AGFG2: variants seen among roughly 807,000 people sequenced by gnomAD.
The protein encoded by AGFG2 is ArfGAP with FG repeats 2, also known as arf-GAP domain and FG repeat-containing protein 2.
A neutral mutation model predicts 48.0 loss-of-function variants in AGFG2; 31 were observed. That is an observed-to-expected ratio of 0.65 (90% confidence interval 0.49 to 0.87). The LOEUF is 0.87. Among genes scored for constraint, AGFG2 ranks in the 40% least tolerant of loss-of-function variants. AGFG2 has a pLI of 0.00. For synonymous variants in AGFG2, 229 were observed against 260.8 expected (o/e 0.88, Z 1.18); for missense variants, 599 against 632.6 (o/e 0.95, Z 0.57).
At chr7:100,554,753 G>A (rs1800723135) in intron 5 of AGFG2, among the ~76,000 whole-genome samples, 1 of 151,758 alleles carries the variant, frequency 6.6e-6, no homozygotes. Context: ...TGGCCAACAT[G>A]GTGAAACCTC....
chr7:100,559,303 G>A (rs947958885), intron 6 of AGFG2, among the ~76,000 whole-genome samples: 3 of 152,142 alleles, frequency 2.0e-5, no homozygotes, highest in Non-Finnish European at 4.4e-5. Flanking sequence ...TGGCAGAACC[G>A]CTTCCCACTA....
At chr7:100,547,437 G>A (rs1228999892) in intron 1 of AGFG2, among the ~76,000 whole-genome samples, 3 of 151,386 alleles carry the variant, frequency 2.0e-5, no homozygotes, top group Non-Finnish European at 4.4e-5. Context: ...GTAAAAGTCT[G>A]AAGAGGCCTC....
chr7:100,559,783 ACTCCAGC>A (rs907960118), intron 6 of AGFG2, among the ~76,000 whole-genome samples: 4 of 150,640 alleles, frequency 2.7e-5, no homozygotes, highest in African/African-American at 9.8e-5. Flanking sequence ...ATGCCACTGC[ACTCCAGC>A]CTGGGCAATT....
chr7:100,554,716 C>T (rs761631501), intron 5 of AGFG2, among the ~76,000 whole-genome samples: 9 of 151,898 alleles, frequency 5.9e-5, no homozygotes, highest in Non-Finnish European at 1.2e-4. Context: ...GGGCAGATCA[C>T]CTGAGGTCAG....
intron 1 of AGFG2, among the ~76,000 whole-genome samples, chr7:100,542,618 T>C (rs576703650): frequency 1.1e-4 from 17 of 152,320 alleles, no homozygotes; most frequent in African/African-American, 3.6e-4. Context: ...GTATTACCTG[T>C]GTCCCTTTGA....
intron 1 of AGFG2, among the ~76,000 whole-genome samples, chr7:100,546,172 C>T (rs553908192): frequency 1.3e-5 from 2 of 149,118 alleles, no homozygotes; most frequent in African/African-American, 2.5e-5. Flanking sequence ...CCCCCCCGCC[C>T]GCCACCCCCA....
chr7:100,543,290 C>G (rs946989171), intron 1 of AGFG2, among the ~76,000 whole-genome samples: 1 of 152,174 alleles, frequency 6.6e-6, no homozygotes, highest in East Asian at 1.9e-4. Flanking sequence ...GTCTCAAACT[C>G]CTGACCTCAG....
rs185090572 is a variant in AGFG2, at chr7:100,556,004, G to A, written c.877+269G>A. 1.6e-4 allele frequency: 55 copies of A among 345,118 alleles called. 1 individual carries two copies. The East Asian group carries it at 2.9e-3, about 18-fold the overall frequency. 21.4% of individuals were successfully genotyped at this position (345,118 alleles called of 1,614,324 possible). A position where few individuals can be genotyped will look rare whatever the true frequency, so the allele number is the denominator to read the frequency against. On this transcript the variant is annotated intron_variant, in intron 6 of 11. Transcript: ENST00000300176. The stretch of plus-strand genomic sequence containing the variant: ...ACACTAGGAAACTTTTCACTAGGAA[G>A]TATGGAAGACCTGAGTCCTAGAAAA...
chr7:100,550,085 G>C (rs528696405), intron 2 of AGFG2, among the ~76,000 whole-genome samples: 1 of 152,254 alleles, frequency 6.6e-6, no homozygotes, highest in South Asian at 2.1e-4. Flanking sequence ...GAGGTGGGCA[G>C]ATAACGAGGT....
At chr7:100,551,621 C>T (rs1034705392) in intron 3 of AGFG2, among the ~76,000 whole-genome samples, 5 of 151,798 alleles carry the variant, frequency 3.3e-5, no homozygotes, top group Non-Finnish European at 7.4e-5. Flanking sequence ...AGGTGGCTCA[C>T]GCCTATAATC....
At chr7:100,550,729 G>A (rs181645141) in intron 3 of AGFG2, among the ~76,000 whole-genome samples, 1 of 152,238 alleles carries the variant, frequency 6.6e-6, no homozygotes, top group East Asian at 1.9e-4. Context: ...CTTTTGGAGA[G>A]ATAGTAGACT....
chr7:100,550,459 G>A lies in AGFG2; in HGVS notation c.379G>A (p.Asp127Asn), dbSNP rs1358736718. ...ARTSLVPDSR[D>N]PQKVKEFLQE... is the part of the protein sequence containing the mutation. ...GACATCTTTAGTACCAGATTCCAGG[G>A]ATCCTCAGAAAGTGAAGGAGTTTCT... The change falls in exon 3 of 12, where the codon GAT (aspartate) becomes AAT (asparagine). Residue 127 changes from aspartate (D) to asparagine (N), a missense_variant. Coordinates refer to ENST00000300176, the MANE Select transcript of AGFG2 (RefSeq NM_006076.5). 6.2e-7 allele frequency: 1 copy of A among 1,614,172 alleles called. No individual in the cohort carries two copies. The highest frequency in any genetic ancestry group is 1.3e-5 in the African/African-American group (1 of 75,042).
chr7:100,549,970 G>C (rs993152106), intron 2 of AGFG2, among the ~76,000 whole-genome samples: 3 of 152,202 alleles, frequency 2.0e-5, no homozygotes, highest in Non-Finnish European at 4.4e-5. Context: ...GAGATTACAG[G>C]TGTGAGCCAC....
At chr7:100,559,671 AGCTGGCCATAGTGGT>A (rs1425012017) in intron 6 of AGFG2, among the ~76,000 whole-genome samples, 1 of 151,986 alleles carries the variant, frequency 6.6e-6, no homozygotes, top group Non-Finnish European at 1.5e-5. Context: ...ACAAATAATT[AGCTGGCCATAGTGGT>A]GCGTGCCTGT....
At position 100,564,228 on chromosome 7, in the gene AGFG2, C is replaced by T. The variant is rs760269265; in HGVS notation, c.1311C>T (p.Phe437=). Residue 437 remains phenylalanine (F), a synonymous_variant, in exon 11 of 12, where the codon TTC becomes TTT. Coordinates refer to ENST00000300176, the MANE Select transcript of AGFG2 (RefSeq NM_006076.5). ...GCTCTCGCCCCCTAGGCTCTTCCTT[C>T]GGGGACTTAGGATCAGCCAAGTTGG... ...PLVQQQNGSS[F]GDLGSAKLGQ... 6.8e-6 allele frequency: 11 copies of T among 1,612,216 alleles called. No individual in the cohort carries two copies. Among genetic ancestry groups the T allele is most frequent in the Admixed American group, 5.0e-5 (3 of 59,828 alleles).
At position 100,566,943 on chromosome 7, in the gene AGFG2, C is replaced by T. The variant is rs544168292; in HGVS notation, c.*1952C>T. 3 of 152,514 alleles carry T rather than the reference C, an allele frequency of 2.0e-5. No individual in the cohort carries two copies. Among genetic ancestry groups the T allele is most frequent in the South Asian group, 2.1e-4 (1 of 4,822 alleles). The allele number at this position is 152,514 out of a possible 1,614,324, so 9.4% of individuals were successfully genotyped here. On this transcript the variant is annotated 3_prime_UTR_variant, in exon 12 of 12. Coordinates refer to ENST00000300176, the MANE Select transcript of AGFG2 (RefSeq NM_006076.5). ...CTTTCTGTTATTTCCCCCCAGCTTC[C>T]ATCACCCTTCCCTTAATGCCAGGAG...
chr7:100,548,813 C>T lies in AGFG2; in HGVS notation c.222-9C>T, dbSNP rs749893325. 11 of 1,606,538 alleles carry T rather than the reference C, an allele frequency of 6.8e-6. No homozygotes were observed. The highest frequency in any genetic ancestry group is 8.5e-6 in the Non-Finnish European group (10 of 1,173,332). ...TATACTTCTCTTTCTTCCTGTTTCT[C>T]TCCCATAGGAGAGGGCTGAACCCCC... On this transcript the variant is annotated splice_polypyrimidine_tract_variant and intron_variant, in intron 1 of 11. Transcript: ENST00000300176.
chr7:100,543,313 C>T (rs1800456749), intron 1 of AGFG2, among the ~76,000 whole-genome samples: 1 of 152,214 alleles, frequency 6.6e-6, no homozygotes. Flanking sequence ...GATCCACCTG[C>T]CTTGGCCTCC....
Position 100,566,260 on chromosome 7 carries a change from C to G in AGFG2, c.*1269C>G, listed in dbSNP as rs899418405. 1 of 152,282 alleles carries G rather than the reference C, an allele frequency of 6.6e-6. No homozygotes were observed. The highest frequency in any genetic ancestry group is 1.5e-5 in the Non-Finnish European group (1 of 68,070). 9.4% of individuals were successfully genotyped at this position (152,282 alleles called of 1,614,324 possible). On this transcript the variant is annotated 3_prime_UTR_variant, in exon 12 of 12. Coordinates refer to ENST00000300176, the MANE Select transcript of AGFG2 (RefSeq NM_006076.5). ...GAATGCCCACTGGGGCCAGGGTGGG[C>G]AAAGGAGGTTGGTGCCAATGTGGTG...
Sources: gnomAD v4.1 joint callset for allele counts (sites outside exome capture counted in the v4.1 genomes callset) on GRCh38, gnomAD v4.1.1 for gene constraint, MANE v1.5 for transcripts, NCBI Gene and HGNC (gene_info 2026-07-23, HGNC 2026-07-21) for gene names.